The following PABPC4L variants were observed in gnomAD, a reference collection of about 807,000 sequenced individuals.
The protein encoded by PABPC4L is poly(A) binding protein cytoplasmic 4 like, also known as polyadenylate-binding protein 4-like.
For missense variants in PABPC4L, 452 were observed against 451.4 expected (o/e 1.00, Z -0.01); for synonymous variants, 169 against 164.1 (o/e 1.03, Z -0.23).
the PABPC4L span, among the ~76,000 whole-genome samples, chr4:133,993,217 C>T: frequency 6.6e-6 from 1 of 152,040 alleles, no homozygotes; most frequent in African/African-American, 2.4e-5. Flanking sequence ...TTGCAGGGTC[C>T]TTACTCATAT....
At chr4:134,078,502 G>A in the PABPC4L span, among the ~76,000 whole-genome samples, 1 of 152,112 alleles carries the variant, frequency 6.6e-6, no homozygotes. Context: ...ATTAGAAAGA[G>A]AGGCATGATG....
chr4:134,137,265 C>T, the PABPC4L span, among the ~76,000 whole-genome samples: 1,687 of 151,912 alleles, frequency 0.011, 28 homozygotes, highest in African/African-American at 0.039. Flanking sequence ...TGTTTCTCTC[C>T]AGATTTAGAA....
chr4:134,041,490 C>A, the PABPC4L span, among the ~76,000 whole-genome samples: 31 of 152,032 alleles, frequency 2.0e-4, no homozygotes, highest in Admixed American at 1.6e-3. Flanking sequence ...GAAAACCAAA[C>A]ACCACATGTT....
chr4:134,127,176 C>A, the PABPC4L span, among the ~76,000 whole-genome samples: 1 of 152,102 alleles, frequency 6.6e-6, no homozygotes, highest in East Asian at 1.9e-4. Flanking sequence ...CCTGCCCCCA[C>A]CTGAGGGTCT....
At chr4:134,149,624 T>C in the PABPC4L span, among the ~76,000 whole-genome samples, 1 of 152,158 alleles carries the variant, frequency 6.6e-6, no homozygotes, top group Non-Finnish European at 1.5e-5. Context: ...TCAGGAGATT[T>C]ACATACATTT....
At chr4:134,162,257 A>G in the PABPC4L span, among the ~76,000 whole-genome samples, 1 of 152,110 alleles carries the variant, frequency 6.6e-6, no homozygotes, top group Admixed American at 6.6e-5. Flanking sequence ...TGAAGCCACA[A>G]TAGTAAAACC....
chr4:133,961,918 G>A, the PABPC4L span, among the ~76,000 whole-genome samples: 2 of 152,172 alleles, frequency 1.3e-5, no homozygotes, highest in African/African-American at 4.8e-5. Flanking sequence ...AACACTCACT[G>A]CATGGCCCAA....
At chr4:133,978,704 T>G in the PABPC4L span, 1 of 152,178 alleles carries the variant, frequency 6.6e-6, no homozygotes, top group African/African-American at 2.4e-5. Context: ...AAATTTATAT[T>G]ATTACTCTCT....
the PABPC4L span, among the ~76,000 whole-genome samples, chr4:134,092,703 C>T: frequency 2.0e-5 from 3 of 152,102 alleles, no homozygotes; most frequent in Admixed American, 6.6e-5. Flanking sequence ...GGGCACTCAC[C>T]CCAGCTCCTG....
the PABPC4L span, among the ~76,000 whole-genome samples, chr4:134,151,470 C>G: frequency 6.6e-6 from 1 of 151,934 alleles, no homozygotes. Context: ...GTGTGGAAAA[C>G]TTTTCCTGAT....
the PABPC4L span, among the ~76,000 whole-genome samples, chr4:133,971,216 A>G: frequency 7.1e-5 from 10 of 140,270 alleles, no homozygotes; most frequent in Non-Finnish European, 1.5e-4. Flanking sequence ...GGGTTCACGC[A>G]TTCTACTGCC....
the PABPC4L span, among the ~76,000 whole-genome samples, chr4:133,983,553 G>A: frequency 2.0e-5 from 3 of 151,838 alleles, no homozygotes; most frequent in South Asian, 4.2e-4. Flanking sequence ...CTAAGAAGGG[G>A]AAATAATATT....
chr4:133,990,448 A>G, the PABPC4L span, among the ~76,000 whole-genome samples: 1 of 152,110 alleles, frequency 6.6e-6, no homozygotes, highest in Non-Finnish European at 1.5e-5. Flanking sequence ...TGCTCCACTG[A>G]CCAATTTTCT....
chr4:134,183,937 T>C, the PABPC4L span, among the ~76,000 whole-genome samples: 1 of 151,234 alleles, frequency 6.6e-6, no homozygotes, highest in Admixed American at 6.6e-5. Context: ...TGTGTGTGTG[T>C]GTAGAACTTA....
the PABPC4L span, among the ~76,000 whole-genome samples, chr4:133,994,569 C>T: frequency 1.3e-5 from 2 of 152,096 alleles, no homozygotes; most frequent in Admixed American, 1.3e-4. Context: ...GGCCAAGTTT[C>T]TGGCCAGTCT....
chr4:134,004,493 A>G, the PABPC4L span, among the ~76,000 whole-genome samples: 1 of 151,874 alleles, frequency 6.6e-6, no homozygotes, highest in African/African-American at 2.4e-5. Flanking sequence ...GTTGGCACAG[A>G]TGTGGAGAGA....
At chr4:134,054,756 G>A in the PABPC4L span, among the ~76,000 whole-genome samples, 1 of 151,768 alleles carries the variant, frequency 6.6e-6, no homozygotes, top group Non-Finnish European at 1.5e-5. Flanking sequence ...ATATTCCCTG[G>A]TATCTATGTT....
chr4:133,978,451 T>C, the PABPC4L span, among the ~76,000 whole-genome samples: 735 of 152,034 alleles, frequency 4.8e-3, 8 homozygotes, highest in African/African-American at 0.014. Flanking sequence ...CTACAAATAA[T>C]AATAATAACG....
chr4:134,022,240 A>G, the PABPC4L span, among the ~76,000 whole-genome samples: 14 of 152,232 alleles, frequency 9.2e-5, no homozygotes, highest in African/African-American at 3.4e-4. Flanking sequence ...TTGCCCCAGT[A>G]TCCAAGTTCT....
Sources: gnomAD v4.1 joint callset for allele counts (sites outside exome capture counted in the v4.1 genomes callset) on GRCh38, gnomAD v4.1.1 for gene constraint, MANE v1.5 for transcripts, NCBI Gene and HGNC (gene_info 2026-07-23, HGNC 2026-07-21) for gene names.